The following CERS5 variants were observed in gnomAD, a reference collection of about 807,000 sequenced individuals.
The protein encoded by CERS5 is ceramide synthase 5, also known as LAG1 homolog, ceramide synthase 5.
A neutral mutation model predicts 58.9 loss-of-function variants in CERS5; 37 were observed. The ratio of observed to expected loss-of-function variants is 0.63; its 90% CI spans 0.48 to 0.83. The LOEUF (loss-of-function observed/expected upper bound fraction) is 0.83. Ranked by LOEUF, CERS5 falls within the 40% of genes least tolerant of loss-of-function variation. The pLI, the probability that CERS5 is intolerant of heterozygous loss-of-function variation, is 0.00. For synonymous variants in CERS5, 147 were observed against 177.8 expected, an observed-to-expected ratio of 0.83 and a Z score of 1.38; for missense variants, 398 against 489.3, an observed-to-expected ratio of 0.81 and a Z score of 1.76.
chr12:50,152,290 A>G (rs1051199726), intron 1 of CERS5, among the ~76,000 whole-genome samples: 1 of 152,222 alleles, frequency 6.6e-6, no homozygotes, highest in African/African-American at 2.4e-5. Context: ...CTTTAGACCA[A>G]ATCAAGGTAG....
chr12:50,133,689 T>C (rs766627660), intron 9 of CERS5: 157 of 985,396 alleles, frequency 1.6e-4, no homozygotes, highest in Non-Finnish European at 1.9e-4. Context: ...CTTAAAAAAC[T>C]CTTAACCCTA....
intron 1 of CERS5, chr12:50,145,166 A>T (rs1952200152): frequency 6.6e-6 from 1 of 152,286 alleles, no homozygotes; most frequent in African/African-American, 2.4e-5. Context: ...AAGAAGAAGA[A>T]TAAAAAATAA....
intron 1 of CERS5, among the ~76,000 whole-genome samples, chr12:50,149,799 G>GC (rs1937743051): frequency 1.3e-5 from 2 of 152,160 alleles, no homozygotes; most frequent in African/African-American, 4.8e-5. Context: ...AAGTGTGGTG[G>GC]CGTGATCTGG....
rs1473223446 is a variant in CERS5 at position 50,135,796 on chromosome 12, C to T, written c.808G>A (p.Asp270Asn). The T allele has an allele frequency of 1.9e-6, 3 of 1,614,096 alleles. No individual in the cohort carries two copies. In the Admixed American group the frequency reaches 5.0e-5, roughly 27 times the overall value. Reference protein sequence around the residue: ...ANYAKYQRLCDTLFVIFSAVF... With the variant: ...ANYAKYQRLCNTLFVIFSAVF... ...GCACTGAAGATCACAAAAAGGGTGT[C>T]ACAGAGCCGCTGATACTTGGCATAA... Residue 270 changes from aspartate (D) to asparagine (N), a missense_variant, in exon 8 of 10, where the codon GAC becomes AAC. This residue lies in a region of CERS5 where 328 missense variants were observed against 384.5 expected (regional missense o/e 0.85). Transcript: ENST00000317551.
At chr12:50,147,887 C>T (rs896096556) in intron 1 of CERS5, among the ~76,000 whole-genome samples, 5 of 152,098 alleles carry the variant, frequency 3.3e-5, no homozygotes, top group Non-Finnish European at 7.4e-5. Flanking sequence ...AAGTGATCCT[C>T]CCACCTCAGC....
At chr12:50,133,716 G>A in intron 9 of CERS5, 2 of 985,496 alleles carry the variant, frequency 2.0e-6, no homozygotes, top group South Asian at 4.7e-5. Flanking sequence ...TTTAACAAAA[G>A]CCATTCCTAA....
chr12:50,150,353 G>T (rs1376259364), intron 1 of CERS5, among the ~76,000 whole-genome samples: 1 of 152,016 alleles, frequency 6.6e-6, no homozygotes, highest in Non-Finnish European at 1.5e-5. Context: ...AGAGTGAGAC[G>T]CCATCTCCAA....
chr12:50,133,673 C>G, intron 9 of CERS5: 2 of 985,482 alleles, frequency 2.0e-6, no homozygotes, highest in Non-Finnish European at 2.4e-6. Flanking sequence ...ATGGTTGAGG[C>G]CATCTCTTAA....
intron 1 of CERS5, among the ~76,000 whole-genome samples, chr12:50,164,295 C>T (rs1461051089): frequency 6.7e-6 from 1 of 149,754 alleles, no homozygotes; most frequent in Non-Finnish European, 1.5e-5. Context: ...ATTAGCTGGG[C>T]ATAGTGGTGT....
chr12:50,137,198 A>G (rs1478647890), intron 6 of CERS5, among the ~76,000 whole-genome samples: 2 of 152,212 alleles, frequency 1.3e-5, no homozygotes, highest in Non-Finnish European at 2.9e-5. Flanking sequence ...GTAAAACTTA[A>G]GTCATTTCCA....
At chr12:50,145,678 A>C (rs574094755) in intron 1 of CERS5, among the ~76,000 whole-genome samples, 2 of 152,280 alleles carry the variant, frequency 1.3e-5, no homozygotes, top group East Asian at 3.9e-4. Context: ...GGGAAAAAAA[A>C]AATAGTTCCA....
intron 1 of CERS5, chr12:50,148,562 A>C (rs936268903): frequency 2.6e-5 from 9 of 349,278 alleles, no homozygotes; most frequent in African/African-American, 6.6e-5. Context: ...TCACCACTGC[A>C]CTCCAGTCTG....
intron 1 of CERS5, among the ~76,000 whole-genome samples, chr12:50,159,194 G>A (rs1289191756): frequency 2.6e-5 from 4 of 152,088 alleles, no homozygotes; most frequent in South Asian, 2.1e-4. Flanking sequence ...GGTGGCGGGC[G>A]CCTGTAATCC....
At position 50,135,816 on chromosome 12, in the gene CERS5, G is replaced by A; in HGVS notation, c.788C>T (p.Ala263Val). The A allele has an allele frequency of 1.2e-6, 2 of 1,613,966 alleles. No individual in the cohort carries two copies. The highest frequency in any genetic ancestry group is 8.5e-7 in the Non-Finnish European group (1 of 1,179,942). ...LLEAAKLANY[A>V]KYQRLCDTLF... The stretch of plus-strand genomic sequence containing the variant: ...GGTGTCACAGAGCCGCTGATACTTG[G>A]CATAATTGGCCAGTTTGGCTGCCTG... Residue 263 changes from alanine to valine, a missense_variant, in exon 8 of 10, where the codon GCC becomes GTC. Coordinates refer to ENST00000317551, the MANE Select transcript of CERS5 (RefSeq NM_147190.5).
intron 4 of CERS5, 61 bp from the exon 5 acceptor site, chr12:50,138,678 C>A (rs12302335): frequency 5.0e-6 from 7 of 1,409,448 alleles, no homozygotes; most frequent in Non-Finnish European, 7.0e-6. Context: ...TCAAGATCTA[C>A]CTCATATAAT....
chr12:50,142,165 G>A, intron 3 of CERS5, 55 bp from the exon 4 acceptor site: 1 of 1,241,426 alleles, frequency 8.1e-7, no homozygotes, highest in Non-Finnish European at 1.2e-6. Flanking sequence ...CAAAGCCTCT[G>A]AGGCTACGGA....
intron 1 of CERS5, among the ~76,000 whole-genome samples, chr12:50,152,516 C>G (rs557355426): frequency 6.6e-5 from 10 of 152,154 alleles, no homozygotes; most frequent in African/African-American, 2.2e-4. Flanking sequence ...CTGAGGCAAG[C>G]GGATCACTTG....
chr12:50,136,007 G>C lies in CERS5; in HGVS notation c.699C>G (p.Ile233Met), dbSNP rs763946740. 2.6e-6 allele frequency: 4 copies of C among 1,519,228 alleles called. No homozygotes were observed. Among genetic ancestry groups the C allele is most frequent in the Non-Finnish European group, 3.5e-6 (4 of 1,136,854 alleles). 94.1% of individuals were successfully genotyped at this position (1,519,228 alleles called of 1,614,324 possible). ...VTIGLISFSY[I>M]NNMVRVGTLI... Reference sequence around the variant, plus strand: ...GAGTTCCCACTCGAACCATATTGTTGATGTAGGAGAAGGAGATAAGCCCAA... The same window carrying C: ...GAGTTCCCACTCGAACCATATTGTTCATGTAGGAGAAGGAGATAAGCCCAA... Residue 233 changes from isoleucine to methionine, a missense_variant, in exon 7 of 10, where the codon ATC becomes ATG. By Grantham distance (10) the Ile-to-Met change is conservative. Transcript: ENST00000317551.
Position 50,160,562 on chromosome 12 carries a change from C to T in CERS5, c.197+6539G>A, listed in dbSNP as rs114995964. On this transcript the variant is annotated intron_variant, in intron 1 of 9. Coordinates refer to ENST00000317551, the MANE Select transcript of CERS5 (RefSeq NM_147190.5). ...GCTCTCAGCTATCTCCTGTATAATT[C>T]GCCAAATTACTTTCTTCTGGCAACA... 8.0e-3 allele frequency among the ~76,000 whole-genome samples: 1,221 copies of T among 152,124 alleles called. 18 individuals carry two copies. Among genetic ancestry groups the T allele is most frequent in the African/African-American group, 0.028 (1,159 of 41,502 alleles).
Sources: allele counts gnomAD v4.1 joint callset (sites outside exome capture counted in the v4.1 genomes callset), GRCh38; gene constraint gnomAD v4.1.1; regional missense constraint gnomAD v4.1.1; transcripts MANE v1.5; gene names NCBI Gene and HGNC (gene_info 2026-07-23, HGNC 2026-07-21).